Variants in SOX5 observed in about 807,000 individuals in gnomAD.
SOX5 encodes the protein transcription factor SOX-5.
Under a neutral mutation model 92.0 loss-of-function variants are expected in SOX5, and 9 were observed. That is an observed-to-expected ratio of 0.10 (90% CI 0.06 to 0.17). The LOEUF is 0.17. SOX5 is among the 10% of genes least tolerant of loss of function. The probability of loss-of-function intolerance (pLI) is 1.00; values close to 1 mark genes in which losing one functional copy is unlikely to be tolerated. For missense variants in SOX5, 642 were observed against 944.5 expected, an observed-to-expected ratio of 0.68 and a Z score of 4.20; for synonymous variants, 344 against 336.3, an observed-to-expected ratio of 1.02 and a Z score of -0.25.
intron 2 of SOX5, among the ~76,000 whole-genome samples, chr12:23,860,076 A>T (rs2096737790): frequency 6.6e-6 from 1 of 152,210 alleles, no homozygotes; most frequent in Non-Finnish European, 1.5e-5. Flanking sequence ...GTTCTCACTT[A>T]TAAGTGGAAG....
chr12:24,267,621 T>A (rs547220855), intron 3 of SOX5, among the ~76,000 whole-genome samples: 1 of 152,240 alleles, frequency 6.6e-6, no homozygotes, highest in South Asian at 2.1e-4. Flanking sequence ...TGAAAACAGT[T>A]TGGGTTCATG....
intron 1 of SOX5, among the ~76,000 whole-genome samples, chr12:24,507,456 C>G (rs1948904607): frequency 6.6e-6 from 1 of 150,994 alleles, no homozygotes; most frequent in Admixed American, 6.6e-5. Flanking sequence ...TATATGACAA[C>G]TGACCTACTT....
At chr12:23,845,099 T>C (rs2096560106) in intron 3 of SOX5, among the ~76,000 whole-genome samples, 1 of 152,342 alleles carries the variant, frequency 6.6e-6, no homozygotes, top group East Asian at 1.9e-4. Flanking sequence ...AATTTACCAG[T>C]GTCCTAACAG....
chr12:23,954,111 T>G (rs1011508995), upstream of SOX5, among the ~76,000 whole-genome samples: 1 of 152,124 alleles, frequency 6.6e-6, no homozygotes, highest in Non-Finnish European at 1.5e-5. Context: ...TAAAAGGATA[T>G]ATTTTCATTC....
At chr12:24,526,990 G>A (rs568692480) in intron 1 of SOX5, among the ~76,000 whole-genome samples, 1 of 151,760 alleles carries the variant, frequency 6.6e-6, no homozygotes, top group African/African-American at 2.4e-5. Context: ...TACAGTCTCT[G>A]TATGGTGCCT....
chr12:23,568,014 A>G (rs2136459157), intron 10 of SOX5, among the ~76,000 whole-genome samples: 1 of 152,312 alleles, frequency 6.6e-6, no homozygotes, highest in South Asian at 2.1e-4. Flanking sequence ...AGATATATCC[A>G]AGTCCTAAAC....
intron 4 of SOX5, among the ~76,000 whole-genome samples, chr12:24,067,743 A>G (rs11047244): frequency 0.051 from 7,738 of 152,294 alleles, 186 homozygotes; most frequent in East Asian, 0.078. Context: ...CGCAATCAGT[A>G]AACAAAGAAA....
chr12:23,549,961 C>A (rs1411096895), intron 11 of SOX5, among the ~76,000 whole-genome samples: 1 of 151,942 alleles, frequency 6.6e-6, no homozygotes, highest in Non-Finnish European at 1.5e-5. Flanking sequence ...ATGAGTAACT[C>A]CAAAATCTGA....
intron 1 of SOX5, among the ~76,000 whole-genome samples, chr12:24,494,116 G>T (rs1383915305): frequency 1.3e-5 from 2 of 152,192 alleles, no homozygotes; most frequent in Non-Finnish European, 2.9e-5. Context: ...CAAAAGGATA[G>T]AAAATGTCTG....
intron 8 of SOX5, among the ~76,000 whole-genome samples, chr12:23,606,755 TTATACA>T (rs547974750): frequency 2.8e-3 from 426 of 152,208 alleles, no homozygotes; most frequent in Non-Finnish European, 4.7e-3. Flanking sequence ...GAAATAAAAG[TTATACA>T]TATACTTTCA....
At chr12:24,042,159 A>G (rs1956587437) in intron 4 of SOX5, among the ~76,000 whole-genome samples, 1 of 152,126 alleles carries the variant, frequency 6.6e-6, no homozygotes, top group Non-Finnish European at 1.5e-5. Flanking sequence ...CTGAATACAT[A>G]TAACATTTTT....
chr12:24,541,232 C>T (rs907974750), intron 1 of SOX5, among the ~76,000 whole-genome samples: 2 of 152,174 alleles, frequency 1.3e-5, no homozygotes, highest in African/African-American at 4.8e-5. Flanking sequence ...CCAAAATAGC[C>T]TGGGCTATTA....
At chr12:24,301,179 G>C (rs908902342) in intron 2 of SOX5, among the ~76,000 whole-genome samples, 3 of 152,130 alleles carry the variant, frequency 2.0e-5, no homozygotes, top group Admixed American at 6.5e-5. Flanking sequence ...AGTCGCTGTT[G>C]ATCCTGACAC....
At chr12:23,628,936 T>C (rs1054596631) in intron 8 of SOX5, among the ~76,000 whole-genome samples, 5 of 151,970 alleles carry the variant, frequency 3.3e-5, no homozygotes, top group African/African-American at 9.7e-5. Context: ...CTCAGAACAG[T>C]TCATTCATGA....
chr12:24,297,160 G>A (rs1947360712), intron 2 of SOX5, among the ~76,000 whole-genome samples: 2 of 152,160 alleles, frequency 1.3e-5, no homozygotes, highest in Admixed American at 1.3e-4. Flanking sequence ...TTTCCTCCTT[G>A]TAATTAAAAC....
chr12:24,367,302 C>T (rs995268747), intron 2 of SOX5, among the ~76,000 whole-genome samples: 1 of 152,060 alleles, frequency 6.6e-6, no homozygotes, highest in East Asian at 1.9e-4. Flanking sequence ...TGTTCTGTTG[C>T]CAGCAGTAAT....
At chr12:23,832,915 C>T (rs1336668221) in intron 3 of SOX5, among the ~76,000 whole-genome samples, 1 of 151,732 alleles carries the variant, frequency 6.6e-6, no homozygotes, top group Admixed American at 6.6e-5. Flanking sequence ...TAAATTATCC[C>T]TTCAAAATTG....
intron 1 of SOX5, among the ~76,000 whole-genome samples, chr12:23,905,187 T>C (rs573556472): frequency 1.3e-5 from 2 of 152,342 alleles, no homozygotes; most frequent in Admixed American, 6.5e-5. Context: ...ATTTTTGTTT[T>C]GTTAATTCCA....
At chr12:23,844,156 G>A (rs1187770723) in intron 3 of SOX5, among the ~76,000 whole-genome samples, 1 of 152,200 alleles carries the variant, frequency 6.6e-6, no homozygotes, top group East Asian at 1.9e-4. Context: ...AACGTACTGT[G>A]GAGTATCATT....
Sources: allele counts gnomAD v4.1 joint callset (sites outside exome capture counted in the v4.1 genomes callset), GRCh38; gene constraint gnomAD v4.1.1; transcripts MANE v1.5; gene names NCBI Gene and HGNC (gene_info 2026-07-23, HGNC 2026-07-21).